The following NFAT5 variants were observed in gnomAD, a reference collection of about 807,000 sequenced individuals.
The protein encoded by NFAT5 is nuclear factor of activated T-cells 5.
In NFAT5, 31 loss-of-function variants were observed where a neutral mutation model predicts 166.5. The observed-to-expected ratio is 0.19, with a 90% CI of 0.14 to 0.25. The LOEUF (loss-of-function observed/expected upper bound fraction) is 0.25, where lower values mean the gene tolerates loss of function less well. Among genes scored for constraint, NFAT5 ranks in the 10% least tolerant of loss-of-function variants. NFAT5 has a pLI of 1.00. For missense variants in NFAT5, 1,449 were observed against 1,821.8 expected (o/e 0.80, Z 3.72); for synonymous variants, 612 against 639.7 (o/e 0.96, Z 0.65).
chr16:69,588,056 G>A (rs56105992), intron 2 of NFAT5, among the ~76,000 whole-genome samples: 8,837 of 145,662 alleles, frequency 0.061, 283 homozygotes, highest in Middle Eastern at 0.12. Flanking sequence ...AGGTTCAAGC[G>A]ATTCTCCTGC....
chr16:69,671,299 C>T (rs1233720306), intron 9 of NFAT5, among the ~76,000 whole-genome samples: 1 of 152,122 alleles, frequency 6.6e-6, no homozygotes, highest in Non-Finnish European at 1.5e-5. Flanking sequence ...TTGATAACTT[C>T]CTAGAAAAAT....
chr16:69,674,340 G>T (rs1297022637), intron 9 of NFAT5, among the ~76,000 whole-genome samples: 5 of 151,644 alleles, frequency 3.3e-5, no homozygotes, highest in Admixed American at 2.0e-4. Flanking sequence ...CTGGTCTTCT[G>T]GTCCATAGTA....
intron 9 of NFAT5, among the ~76,000 whole-genome samples, chr16:69,671,378 G>A (rs528373835): frequency 6.6e-6 from 1 of 152,088 alleles, no homozygotes; most frequent in Non-Finnish European, 1.5e-5. Context: ...TTGTTTTGTT[G>A]TTGTTGTTCT....
chr16:69,584,528 C>T (rs2031913558), intron 2 of NFAT5, among the ~76,000 whole-genome samples: 1 of 152,038 alleles, frequency 6.6e-6, no homozygotes, highest in Non-Finnish European at 1.5e-5. Context: ...CAGGGTTTCA[C>T]CATGTTGGCC....
intron 2 of NFAT5, among the ~76,000 whole-genome samples, chr16:69,620,145 C>T (rs1424651509): frequency 2.6e-5 from 4 of 152,134 alleles, no homozygotes; most frequent in African/African-American, 9.7e-5. Context: ...TGATTTCATT[C>T]TTCTATTTCC....
chr16:69,605,868 T>C (rs33062), intron 2 of NFAT5, among the ~76,000 whole-genome samples: 136,120 of 151,992 alleles, frequency 0.9, 61,175 homozygotes, highest in African/African-American at 0.97. Context: ...CGCCCGCCAC[T>C]GCACCTGGCT....
chr16:69,576,163 G>A (rs1414026366), intron 2 of NFAT5, among the ~76,000 whole-genome samples: 1 of 151,868 alleles, frequency 6.6e-6, no homozygotes, highest in African/African-American at 2.4e-5. Flanking sequence ...AAATTAGCTG[G>A]GCGTGGTGGG....
intron 2 of NFAT5, among the ~76,000 whole-genome samples, chr16:69,610,899 T>G (rs1185563868): frequency 6.6e-6 from 1 of 152,176 alleles, no homozygotes. Flanking sequence ...TGATACAGTT[T>G]TGATTGGCTA....
rs61730074 is a variant in NFAT5 at position 69,692,351 on chromosome 16, G to A, written c.2526G>A (p.Glu842=). Residue 842 remains glutamate, a synonymous_variant, in exon 13 of 15, where the codon GAG becomes GAA. Transcript: ENST00000349945. ...CAGATGGTAATGAGAATGTTCAAGA[G>A]CAGCTTAGTGCAGATATTTTTCAAC... The part of the protein sequence containing the change: ...SAPDGNENVQ[E]QLSADIFQQV... 15,853 of 1,614,198 alleles carry A rather than the reference G, an allele frequency of 9.8e-3. 115 individuals carry two copies. The highest frequency in any genetic ancestry group is 0.011 in the Non-Finnish European group (13,223 of 1,180,038).
intron 2 of NFAT5, among the ~76,000 whole-genome samples, chr16:69,625,807 C>G (rs1179849576): frequency 6.6e-6 from 1 of 151,904 alleles, no homozygotes; most frequent in African/African-American, 2.4e-5. Flanking sequence ...TTCTTCCATT[C>G]TGTCTAGTTT....
Position 69,647,619 on chromosome 16 carries a change from C to A in NFAT5, c.812+33C>A. ...TTCACATTTTTTAAAATTCTATCAT[C>A]ATTATGCAAAACAAACAAACAAAAA... On this transcript the variant is annotated intron_variant, in intron 4 of 14. Coordinates refer to ENST00000349945, the MANE Select transcript of NFAT5 (RefSeq NM_138713.4). This position sits in a 1 kb window ranked among gnomAD's most constrained non-coding sequence, Gnocchi z 4.8. 6.7e-7 allele frequency: 1 copy of A among 1,502,690 alleles called. No homozygotes were observed. The highest frequency in any genetic ancestry group is 1.3e-5 in the South Asian group (1 of 75,926). 93.1% of individuals were successfully genotyped at this position (1,502,690 alleles called of 1,614,324 possible).
intron 7 of NFAT5, among the ~76,000 whole-genome samples, chr16:69,662,367 A>G (rs1467186718): frequency 1.3e-5 from 2 of 152,196 alleles, no homozygotes; most frequent in Non-Finnish European, 2.9e-5. Flanking sequence ...GGGAAATAAA[A>G]AGAGTTTTAT....
chr16:69,622,312 T>C (rs1012687400), intron 2 of NFAT5, among the ~76,000 whole-genome samples: 1 of 152,206 alleles, frequency 6.6e-6, no homozygotes, highest in Admixed American at 6.5e-5. Flanking sequence ...GTGCTGGTAA[T>C]GACTATATGA....
chr16:69,583,288 C>T (rs1374172163), intron 2 of NFAT5, among the ~76,000 whole-genome samples: 2 of 151,980 alleles, frequency 1.3e-5, no homozygotes, highest in Non-Finnish European at 2.9e-5. Flanking sequence ...TAGTCTTGAA[C>T]TCCTGGGCTA....
intron 4 of NFAT5, among the ~76,000 whole-genome samples, chr16:69,652,132 A>G (rs77800572): frequency 6.6e-6 from 1 of 152,206 alleles, no homozygotes; most frequent in African/African-American, 2.4e-5. Flanking sequence ...CAAATGCATT[A>G]TAAATAAATG....
In NFAT5 at chr16:69,670,218, A is replaced by AAT; in HGVS notation, c.1505-18_1505-17insAT. On this transcript the variant is annotated splice_polypyrimidine_tract_variant and intron_variant, in intron 8 of 14. Coordinates refer to ENST00000349945, the MANE Select transcript of NFAT5 (RefSeq NM_138713.4). ...AAATAGTTCAAAAATTTAATAAATC[A>AAT]CTTTTTATTTCAATCAGATGAAAAC... is the stretch of plus-strand genomic sequence containing the variant. 1 of 1,385,034 alleles carries AAT rather than the reference A, an allele frequency of 7.2e-7. No individual in the cohort carries two copies. Among genetic ancestry groups the AAT allele is most frequent in the South Asian group, 1.3e-5 (1 of 75,156 alleles). 85.8% of individuals were successfully genotyped at this position (1,385,034 alleles called of 1,614,324 possible). A position where few individuals can be genotyped will look rare whatever the true frequency, so the allele number is the denominator to read the frequency against.
chr16:69,680,791 GCT>G (rs1264693238), intron 10 of NFAT5, among the ~76,000 whole-genome samples: 2 of 151,446 alleles, frequency 1.3e-5, no homozygotes. Flanking sequence ...ATGAATTCTT[GCT>G]CTGTCACCCA....
chr16:69,586,377 A>G (rs1308223653), intron 2 of NFAT5, among the ~76,000 whole-genome samples: 1 of 152,132 alleles, frequency 6.6e-6, no homozygotes, highest in Admixed American at 6.6e-5. Context: ...CATGAGGCGT[A>G]GACATATTAA....
At chr16:69,612,714 A>G (rs117224586) in intron 2 of NFAT5, among the ~76,000 whole-genome samples, 256 of 151,924 alleles carry the variant, frequency 1.7e-3, no homozygotes, top group Non-Finnish European at 2.9e-3. Flanking sequence ...ACACACACAC[A>G]CACCAAAAAC....
Sources: allele counts gnomAD v4.1 joint callset (sites outside exome capture counted in the v4.1 genomes callset), GRCh38; gene constraint gnomAD v4.1.1; non-coding constraint Gnocchi (gnomAD v3.1); transcripts MANE v1.5; gene names NCBI Gene and HGNC (gene_info 2026-07-23, HGNC 2026-07-21).